Variants in EYA1 observed in about 807,000 individuals in gnomAD.
EYA1 encodes the protein EYA transcriptional coactivator and phosphatase 1.
A neutral mutation model predicts 82.0 loss-of-function variants in EYA1; 16 were observed. The ratio of observed to expected loss-of-function variants is 0.20; its 90% CI spans 0.13 to 0.30. The LOEUF is 0.30. Among genes scored for constraint, EYA1 ranks in the 10% least tolerant of loss-of-function variants. The probability of loss-of-function intolerance (pLI) is 1.00; values close to 1 mark genes in which losing one functional copy is unlikely to be tolerated. For synonymous variants in EYA1, 261 were observed against 264.4 expected (o/e 0.99, Z 0.12); for missense variants, 633 against 730.7 (o/e 0.87, Z 1.54).
At chr8:71,379,961 C>G (rs1337613734) in intron 2 of EYA1, among the ~76,000 whole-genome samples, 1 of 152,200 alleles carries the variant, frequency 6.6e-6, no homozygotes, top group East Asian at 1.9e-4. Context: ...AGGATTTCAT[C>G]ATCTTGAGAT....
chr8:71,280,047 T>C (rs994637408), intron 9 of EYA1, among the ~76,000 whole-genome samples: 2 of 152,224 alleles, frequency 1.3e-5, no homozygotes, highest in African/African-American at 2.4e-5. Flanking sequence ...ACCAGAACTA[T>C]ACATCTTGTG....
chr8:71,244,753 T>G (rs1261474974), intron 11 of EYA1, 61 bp from the exon 12 acceptor site: 3 of 1,017,330 alleles, frequency 2.9e-6, no homozygotes, highest in Non-Finnish European at 4.6e-6. Flanking sequence ...AAAGAGAGTG[T>G]CTCATTAAGA....
At chr8:71,218,661 G>C (rs1438942711) in intron 12 of EYA1, among the ~76,000 whole-genome samples, 1 of 152,096 alleles carries the variant, frequency 6.6e-6, no homozygotes, top group Non-Finnish European at 1.5e-5. Flanking sequence ...TGGAAAACGT[G>C]GTTGGGAACT....
chr8:71,343,113 G>A (rs932871099), intron 3 of EYA1, among the ~76,000 whole-genome samples: 15 of 152,278 alleles, frequency 9.9e-5, no homozygotes, highest in African/African-American at 3.4e-4. Context: ...GCCAACCTCT[G>A]ACTGGTGACT....
chr8:71,274,881 T>TGAGCGAGCGAGAGAGAGAGAGC (rs1816945344), intron 9 of EYA1, among the ~76,000 whole-genome samples: 1 of 142,460 alleles, frequency 7.0e-6, no homozygotes, highest in East Asian at 2.0e-4. Flanking sequence ...AGAGAGAGAG[T>TGAGCGAGCGAGAGAGAGAGAGC]GAGCGAGCGA....
intron 2 of EYA1, among the ~76,000 whole-genome samples, chr8:71,379,263 CT>C (rs907739061): frequency 2.6e-5 from 4 of 152,112 alleles, no homozygotes; most frequent in African/African-American, 9.7e-5. Flanking sequence ...CCTGTACATA[CT>C]CCTACCCAGG....
chr8:71,229,477 G>A (rs1810945934), intron 12 of EYA1, among the ~76,000 whole-genome samples: 1 of 152,102 alleles, frequency 6.6e-6, no homozygotes, highest in Non-Finnish European at 1.5e-5. Flanking sequence ...TCTTTCACGT[G>A]TCTTTTTTTC....
At chr8:71,546,593 C>T (rs928599138) in intron 1 of EYA1, among the ~76,000 whole-genome samples, 1 of 151,948 alleles carries the variant, frequency 6.6e-6, no homozygotes, top group African/African-American at 2.4e-5. Context: ...CTCCAACCTC[C>T]CTGGTTCAGA....
At chr8:71,224,351 A>C (rs1187300977) in intron 12 of EYA1, among the ~76,000 whole-genome samples, 2 of 152,256 alleles carry the variant, frequency 1.3e-5, no homozygotes, top group Non-Finnish European at 2.9e-5. Flanking sequence ...TGGAAGGATA[A>C]AAGTCAGCAG....
intron 9 of EYA1, among the ~76,000 whole-genome samples, chr8:71,296,619 C>A (rs189219190): frequency 9.5e-4 from 96 of 101,444 alleles, no homozygotes; most frequent in African/African-American, 3.8e-3. Flanking sequence ...ACCCAATAGA[C>A]TAAAAGTAAA....
At chr8:71,242,343 C>A (rs551001542) in intron 12 of EYA1, among the ~76,000 whole-genome samples, 133 of 152,142 alleles carry the variant, frequency 8.7e-4, no homozygotes, top group Non-Finnish European at 1.2e-3. Context: ...TTGTTAATAT[C>A]CCTAACATAA....
intron 11 of EYA1, among the ~76,000 whole-genome samples, chr8:71,252,426 C>T (rs1813862145): frequency 6.6e-6 from 1 of 152,052 alleles, no homozygotes; most frequent in East Asian, 2.0e-4. Context: ...GTCATACATT[C>T]AAACTAGACT....
At chr8:71,354,137 T>A (rs1312665518) in intron 3 of EYA1, among the ~76,000 whole-genome samples, 4 of 152,228 alleles carry the variant, frequency 2.6e-5, no homozygotes, top group African/African-American at 9.6e-5. Context: ...AAAATTTATA[T>A]AAATATTCAT....
At chr8:71,337,606 A>G (rs1370501469) in intron 3 of EYA1, among the ~76,000 whole-genome samples, 2 of 152,214 alleles carry the variant, frequency 1.3e-5, no homozygotes, top group Non-Finnish European at 2.9e-5. Flanking sequence ...TCTAAAAGTG[A>G]TTTAATCTCC....
intron 2 of EYA1, among the ~76,000 whole-genome samples, chr8:71,465,810 GT>G (rs1424587032): frequency 6.6e-6 from 1 of 152,082 alleles, no homozygotes; most frequent in East Asian, 1.9e-4. Flanking sequence ...TTTGTGAAAA[GT>G]TTTTTGAAAT....
intron 12 of EYA1, among the ~76,000 whole-genome samples, chr8:71,218,731 C>A (rs921736847): frequency 8.6e-5 from 13 of 151,694 alleles, no homozygotes; most frequent in African/African-American, 3.2e-4. Context: ...GTGTTTTCGA[C>A]AACATACTAA....
At chr8:71,298,933 C>T in intron 9 of EYA1, 114 bp downstream of exon 9, 1 of 934,768 alleles carries the variant, frequency 1.1e-6, no homozygotes, top group Non-Finnish European at 1.7e-6. Context: ...ATATTTAGTC[C>T]TTGCCAAAAG....
At chr8:71,259,915 T>G (rs1459994515) in intron 11 of EYA1, among the ~76,000 whole-genome samples, 3 of 152,226 alleles carry the variant, frequency 2.0e-5, no homozygotes, top group African/African-American at 7.2e-5. Context: ...TTTTTATTGT[T>G]GATTTAATAA....
chr8:71,254,444 G>C (rs1814155158), intron 11 of EYA1, among the ~76,000 whole-genome samples: 1 of 151,950 alleles, frequency 6.6e-6, no homozygotes. Flanking sequence ...AATACACAAG[G>C]TTTATAAAAA....
Sources: allele counts gnomAD v4.1 joint callset (sites outside exome capture counted in the v4.1 genomes callset), GRCh38; gene constraint gnomAD v4.1.1; transcripts MANE v1.5; gene names NCBI Gene and HGNC (gene_info 2026-07-23, HGNC 2026-07-21).